The following MED17 variants were observed in gnomAD, a reference collection of about 807,000 sequenced individuals.
MED17 encodes the protein mediator complex subunit 17.
In MED17, 49 loss-of-function variants were observed where a neutral mutation model predicts 80.8. That is an observed-to-expected ratio of 0.61 (90% CI 0.48 to 0.77). MED17 has a LOEUF of 0.77. Among genes scored for constraint, MED17 ranks in the 30% least tolerant of loss-of-function variants. The pLI, the probability that MED17 is intolerant of heterozygous loss-of-function variation, is 0.00. For missense variants in MED17, 718 were observed against 787.0 expected (o/e 0.91, Z 1.05); for synonymous variants, 281 against 280.4 (o/e 1.00, Z -0.02).
chr11:93,787,193 C>T (rs1438791758), intron 1 of MED17, among the ~76,000 whole-genome samples: 3 of 152,080 alleles, frequency 2.0e-5, no homozygotes, highest in African/African-American at 7.2e-5. Flanking sequence ...GCAGGCAGAT[C>T]ACGAGGTCAG....
chr11:93,810,461 C>G lies in MED17; in HGVS notation c.1744+585C>G, dbSNP rs1944073748. On this transcript the variant is annotated intron_variant, in intron 11 of 11. Coordinates refer to ENST00000251871, the MANE Select transcript of MED17 (RefSeq NM_004268.5). ...CACTGCAACCTCTGCCTCCCAGTTT[C>G]AAGCGATTCTCCTGCCTCAGCCTCC... 3.3e-5 allele frequency: 5 copies of G among 153,830 alleles called. No individual in the cohort carries two copies. The Admixed American group carries it at 3.3e-4, about 10-fold the overall frequency. 9.5% of individuals were successfully genotyped at this position (153,830 alleles called of 1,614,324 possible). A position where few individuals can be genotyped will look rare whatever the true frequency, so the allele number is the denominator to read the frequency against.
chr11:93,794,744 T>C (rs1337428332), intron 5 of MED17, 164 bp from the exon 6 acceptor site: 3 of 691,608 alleles, frequency 4.3e-6, no homozygotes, highest in South Asian at 1.9e-5. Flanking sequence ...ACAGTTGGCA[T>C]TGGCAATTTT....
At chr11:93,806,787 A>C (rs879925119) in intron 9 of MED17, 1 of 152,244 alleles carries the variant, frequency 6.6e-6, no homozygotes, top group Admixed American at 6.5e-5. Context: ...TAAATAAATG[A>C]TGGGAATGCC....
Position 93,807,606 on chromosome 11 carries a change from C to T in MED17, c.1555C>T (p.Gln519Ter), listed in dbSNP as rs1170920711. The T allele has an allele frequency of 6.2e-7, 1 of 1,610,724 alleles. No individual in the cohort carries two copies. The highest frequency in any genetic ancestry group is 8.5e-7 in the Non-Finnish European group (1 of 1,177,050). The change falls in exon 10 of 12, where the codon CAG becomes TAG. Residue 519 changes from glutamine (Q) to a stop codon, truncating the protein, a stop_gained. Transcript: ENST00000251871. LOFTEE classifies it high-confidence loss of function. ...GRVITLSYQE[Q>*]ELQDFLLSQM... is the part of the protein sequence containing the mutation. ...AGTAATTACACTGTCTTATCAGGAG[C>T]AGGAGCTACAGGATTTTCTTCTGTC...
In MED17 at chr11:93,784,400, AG is replaced by A; in HGVS notation, c.-112del. 2.9e-6 allele frequency: 4 copies of A among 1,364,278 alleles called. No individual in the cohort carries two copies. The highest frequency in any genetic ancestry group is 3.9e-6 in the Non-Finnish European group (4 of 1,023,338). The allele number at this position is 1,364,278 out of a possible 1,614,324, so 84.5% of individuals were successfully genotyped here. A position where few individuals can be genotyped will look rare whatever the true frequency, so the allele number is the denominator to read the frequency against. On this transcript the variant is annotated 5_prime_UTR_variant, in exon 1 of 12. Coordinates refer to ENST00000251871, the MANE Select transcript of MED17 (RefSeq NM_004268.5). Reference sequence around the variant, plus strand: ...CGTTCGGTTTCCCGAGGGTCTTCTGAGGCACCGCGGCTGCGGGCTTCTGAGT... The same window carrying A: ...CGTTCGGTTTCCCGAGGGTCTTCTGAGCACCGCGGCTGCGGGCTTCTGAGT...
chr11:93,791,664 C>G (rs1303202306), intron 3 of MED17, among the ~76,000 whole-genome samples: 1 of 152,028 alleles, frequency 6.6e-6, no homozygotes, highest in Non-Finnish European at 1.5e-5. Flanking sequence ...CGAGATTGCA[C>G]CACTGCATTC....
chr11:93,809,498 G>T (rs1249272637), intron 10 of MED17: 2 of 597,668 alleles, frequency 3.3e-6, no homozygotes, highest in Non-Finnish European at 6.0e-6. Flanking sequence ...CTGCCAGTGG[G>T]CAGGAGAAGC....
intron 2 of MED17, 76 bp from the exon 3 acceptor site, chr11:93,790,493 CATTTT>C: frequency 7.7e-7 from 1 of 1,303,362 alleles, no homozygotes; most frequent in South Asian, 1.2e-5. Flanking sequence ...TTGTTCACTT[CATTTT>C]ATTATTGATA....
At chr11:93,796,990 T>C in intron 7 of MED17, 1 of 216,210 alleles carries the variant, frequency 4.6e-6, no homozygotes, top group East Asian at 1.1e-4. Context: ...TATTACAGCC[T>C]CCCTTGCCCC....
At chr11:93,801,608 G>A (rs1474120256) in intron 8 of MED17, 3 of 516,828 alleles carry the variant, frequency 5.8e-6, no homozygotes, top group South Asian at 2.1e-5. Flanking sequence ...GATAATCAGG[G>A]GTGTGTGATG....
intron 10 of MED17, 53 bp downstream of exon 10, chr11:93,807,688 G>A (rs535057600): frequency 1.3e-5 from 14 of 1,041,876 alleles, no homozygotes; most frequent in Non-Finnish European, 2.1e-5. Flanking sequence ...GCTACTTAAA[G>A]AACAAATTGG....
chr11:93,797,931 A>G lies in MED17; in HGVS notation c.1328+212A>G, dbSNP rs1388389863. 2.0e-5 allele frequency among the ~76,000 whole-genome samples: 3 copies of G among 152,140 alleles called. No homozygotes were observed. The East Asian group carries it at 5.8e-4, about 29-fold the overall frequency. On this transcript the variant is annotated intron_variant, in intron 8 of 11. Transcript: ENST00000251871. ...GATCTAACAGTGTATTCTTTCTAAC[A>G]CTGTCACTTTTTTGCAAAGACAACT...
chr11:93,797,314 T>A lies in MED17; in HGVS notation c.1144-221T>A, dbSNP rs552260632. 13 of 538,624 alleles carry A rather than the reference T, an allele frequency of 2.4e-5. No homozygotes were observed. The South Asian group carries it at 2.8e-4, about 12-fold the overall frequency. 33.4% of individuals were successfully genotyped at this position (538,624 alleles called of 1,614,324 possible). A position where few individuals can be genotyped will look rare whatever the true frequency, so the allele number is the denominator to read the frequency against. ...ATGTCGGCGCATTACCCATCTGACA[T>A]GAGAAAAGGAAAAAAGTTACAGCTT... On this transcript the variant is annotated intron_variant, in intron 7 of 11. Coordinates refer to ENST00000251871, the MANE Select transcript of MED17 (RefSeq NM_004268.5).
intron 1 of MED17, among the ~76,000 whole-genome samples, chr11:93,786,649 G>A (rs781400896): frequency 4.4e-4 from 67 of 151,980 alleles, no homozygotes; most frequent in Non-Finnish European, 7.1e-4. Context: ...TGTATTTTTA[G>A]TAGAGATAGA....
rs1591380422 is a variant in MED17, at chr11:93,784,485, T to C, written c.-29T>C. ...ACCTCGTTTTTTGGCTCGTGGGGGG[T>C]CCTCCCACCGCTGGCCGACGCAGCC... is the stretch of plus-strand genomic sequence containing the variant. On this transcript the variant is annotated 5_prime_UTR_variant, in exon 1 of 12. Transcript: ENST00000251871. 2 of 1,552,678 alleles carry C rather than the reference T, an allele frequency of 1.3e-6. No homozygotes were observed. Among genetic ancestry groups the C allele is most frequent in the Non-Finnish European group, 1.7e-6 (2 of 1,145,992 alleles).
chr11:93,806,466 A>G (rs1049049618), intron 9 of MED17: 24 of 152,204 alleles, frequency 1.6e-4, no homozygotes, highest in Admixed American at 1.3e-3. Flanking sequence ...CTGAAATTTT[A>G]GAAGTTGCTT....
chr11:93,807,934 G>T (rs1326083407), intron 10 of MED17: 1 of 398,354 alleles, frequency 2.5e-6, no homozygotes. Flanking sequence ...AAATCTCTAG[G>T]GTTTACAACA....
intron 8 of MED17, chr11:93,801,474 T>C: frequency 4.1e-6 from 1 of 241,968 alleles, no homozygotes; most frequent in Non-Finnish European, 8.2e-6. Flanking sequence ...CTGACATTTA[T>C]GAATGATTTA....
At chr11:93,797,093 C>G (rs1332330450) in intron 7 of MED17, 1 of 198,988 alleles carries the variant, frequency 5.0e-6, no homozygotes, top group Non-Finnish European at 1.0e-5. Context: ...GGTTTGGGAA[C>G]CTCTAATCTA....
Sources: allele counts gnomAD v4.1 joint callset (sites outside exome capture counted in the v4.1 genomes callset), GRCh38; gene constraint gnomAD v4.1.1; transcripts MANE v1.5; gene names NCBI Gene and HGNC (gene_info 2026-07-23, HGNC 2026-07-21).